Variants in SNX4 observed in about 807,000 individuals in gnomAD.
SNX4 encodes sorting nexin-4.
In SNX4, 49 loss-of-function variants were observed where a neutral mutation model predicts 70.8. The ratio of observed to expected loss-of-function variants is 0.69; its 90% CI spans 0.55 to 0.88. The LOEUF is 0.88. Among genes scored for constraint, SNX4 ranks in the 40% least tolerant of loss-of-function variants. SNX4 has a pLI of 0.00. For synonymous variants in SNX4, 206 were observed against 183.8 expected (o/e 1.12, Z -0.98); for missense variants, 528 against 544.8 (o/e 0.97, Z 0.31).
Position 125,447,777 on chromosome 3 carries a change from G to T in SNX4, c.*2C>A. ...GATTGAAGAGAAATTCAATTCACAG[G>T]ATTACATCTTGCTAAAGCATTCCTT... On this transcript the variant is annotated 3_prime_UTR_variant, in exon 14 of 14. Coordinates refer to ENST00000251775, the MANE Select transcript of SNX4 (RefSeq NM_003794.4). The T allele has an allele frequency of 2.5e-6, 4 of 1,588,502 alleles. No individual in the cohort carries two copies. The highest frequency in any genetic ancestry group is 2.6e-6 in the Non-Finnish European group (3 of 1,168,786).
intron 5 of SNX4, among the ~76,000 whole-genome samples, chr3:125,489,929 C>G (rs1476458182): frequency 6.6e-6 from 1 of 152,090 alleles, no homozygotes; most frequent in Non-Finnish European, 1.5e-5. Flanking sequence ...AGTTTGAGAC[C>G]AGCCTGGCCA....
chr3:125,497,743 T>C, intron 4 of SNX4, 91 bp downstream of exon 4: 1 of 865,146 alleles, frequency 1.2e-6, no homozygotes, highest in Non-Finnish European at 1.7e-6. Flanking sequence ...TATAAATTAA[T>C]GAAAAGATCC....
chr3:125,497,987 G>A lies in SNX4; in HGVS notation c.400-4C>T. ...GTTTATGCCAAACAAATTCTGCCTA[G>A]GTAAACAAAATAATCATTAAGAATA... is the stretch of plus-strand genomic sequence containing the variant. On this transcript the variant is annotated splice_polypyrimidine_tract_variant and splice_region_variant and intron_variant, in intron 3 of 13. Transcript: ENST00000251775. 1 of 1,613,996 alleles carries A rather than the reference G, an allele frequency of 6.2e-7. No individual in the cohort carries two copies. The highest frequency in any genetic ancestry group is 1.1e-5 in the South Asian group (1 of 91,032).
chr3:125,507,776 T>C (rs1185722489), intron 1 of SNX4, among the ~76,000 whole-genome samples: 1 of 152,074 alleles, frequency 6.6e-6, no homozygotes, highest in African/African-American at 2.4e-5. Flanking sequence ...TCTAGCAAAC[T>C]GTCCTTCAAA....
At chr3:125,478,282 C>T (rs956194451) in intron 7 of SNX4, among the ~76,000 whole-genome samples, 3 of 151,850 alleles carry the variant, frequency 2.0e-5, no homozygotes, top group African/African-American at 7.3e-5. Context: ...GCTGGTCAGG[C>T]TGGTCTCAAA....
intron 6 of SNX4, among the ~76,000 whole-genome samples, chr3:125,487,758 C>CA (rs575024712): frequency 0.064 from 7,549 of 117,206 alleles, 398 homozygotes; most frequent in African/African-American, 0.16. Flanking sequence ...TGTGACATTC[C>CA]AAAAAAAAAA....
chr3:125,480,333 CAAAT>C lies in SNX4; in HGVS notation c.654-18_654-15del, dbSNP rs755472803. On this transcript the variant is annotated splice_polypyrimidine_tract_variant and intron_variant, in intron 6 of 13. Transcript: ENST00000251775. ...TCAGTAAATCTCCTGAAACAGGAAA[CAAAT>C]AAAACATCGTTTTTCAAATGAAAAC... is the stretch of plus-strand genomic sequence containing the variant. The C allele has an allele frequency of 1.4e-6, 2 of 1,465,288 alleles. No homozygotes were observed. The highest frequency in any genetic ancestry group is 1.8e-6 in the Non-Finnish European group (2 of 1,093,420). The allele number at this position is 1,465,288 out of a possible 1,614,324, so 90.8% of individuals were successfully genotyped here.
chr3:125,475,804 C>G (rs570684524), intron 8 of SNX4, among the ~76,000 whole-genome samples: 51 of 152,006 alleles, frequency 3.4e-4, no homozygotes, highest in Non-Finnish European at 6.8e-4. Flanking sequence ...TAGTAAAGTC[C>G]CATCTCTGCA....
chr3:125,453,739 A>C lies in SNX4; in HGVS notation c.1190+71T>G. On this transcript the variant is annotated intron_variant, in intron 12 of 13. Coordinates refer to ENST00000251775, the MANE Select transcript of SNX4 (RefSeq NM_003794.4). ...GCTGGGAATTGTTACCAAAATAAAT[A>C]AATAAATAAATAAAATAATCTACCA... 3 of 1,372,356 alleles carry C rather than the reference A, an allele frequency of 2.2e-6. No individual in the cohort carries two copies. In the South Asian group the frequency reaches 4.7e-5, roughly 22 times the overall value. 85.0% of individuals were successfully genotyped at this position (1,372,356 alleles called of 1,614,324 possible). A position where few individuals can be genotyped will look rare whatever the true frequency, so the allele number is the denominator to read the frequency against.
intron 9 of SNX4, among the ~76,000 whole-genome samples, chr3:125,467,615 G>A (rs1934067411): frequency 6.6e-6 from 1 of 152,008 alleles, no homozygotes; most frequent in South Asian, 2.1e-4. Context: ...TTCTTGCTAT[G>A]TTTCCCAGGC....
At chr3:125,458,517 T>C (rs564919407) in intron 10 of SNX4, among the ~76,000 whole-genome samples, 1 of 152,242 alleles carries the variant, frequency 6.6e-6, no homozygotes, top group South Asian at 2.1e-4. Context: ...CCATGTTCAC[T>C]GTAAAAAGAA....
intron 9 of SNX4, among the ~76,000 whole-genome samples, chr3:125,462,882 C>G (rs1933919542): frequency 6.6e-6 from 1 of 152,112 alleles, no homozygotes. Context: ...AGGTGGAAAC[C>G]TTTTATTGAA....
At chr3:125,452,593 AAAT>A (rs1933602995) in intron 12 of SNX4, among the ~76,000 whole-genome samples, 1 of 151,948 alleles carries the variant, frequency 6.6e-6, no homozygotes, top group Non-Finnish European at 1.5e-5. Flanking sequence ...AAAAAATGAA[AAAT>A]AATAATAAAA....
chr3:125,497,539 A>C, intron 4 of SNX4, 151 bp from the exon 5 acceptor site: 3 of 630,534 alleles, frequency 4.8e-6, no homozygotes, highest in Non-Finnish European at 8.2e-6. Flanking sequence ...TTAAACATTC[A>C]ATCCAACTTC....
At chr3:125,485,934 G>A (rs188221281) in intron 6 of SNX4, among the ~76,000 whole-genome samples, 51 of 152,026 alleles carry the variant, frequency 3.4e-4, no homozygotes, top group African/African-American at 1.1e-3. Context: ...TCCGCCTCCC[G>A]GGTTCAAGCA....
intron 9 of SNX4, among the ~76,000 whole-genome samples, chr3:125,461,882 C>T (rs1340483081): frequency 2.0e-5 from 3 of 151,990 alleles, no homozygotes; most frequent in Non-Finnish European, 4.4e-5. Context: ...AGGATGGTCT[C>T]GATCTCCTGA....
rs866866041 is a variant in SNX4, at chr3:125,500,896, A to T, written c.264-2702T>A. Among the ~76,000 whole-genome samples the T allele has an allele frequency of 2.7e-3, 408 of 151,944 alleles. 5 individuals are homozygous for T. The highest frequency in any genetic ancestry group is 8.0e-3 in the African/African-American group (332 of 41,466). On this transcript the variant is annotated intron_variant, in intron 2 of 13. Transcript: ENST00000251775. ...TTTTTTAGGTGGCTAATTTACAAAAAAAAAAAAAATTACAGAAACAAAACC... is the reference window on the plus strand; with the variant it reads ...TTTTTTAGGTGGCTAATTTACAAAATAAAAAAAAATTACAGAAACAAAACC...
At chr3:125,452,340 C>T (rs1442265784) in intron 12 of SNX4, among the ~76,000 whole-genome samples, 1 of 152,208 alleles carries the variant, frequency 6.6e-6, no homozygotes, top group Non-Finnish European at 1.5e-5. Flanking sequence ...AGGCAATCCA[C>T]TCTCCTAGGC....
chr3:125,517,137 G>T (rs1935300421), intron 1 of SNX4: 1 of 151,876 alleles, frequency 6.6e-6, no homozygotes, highest in Non-Finnish European at 1.5e-5. Context: ...ATTCAGTATT[G>T]AAACAATGTA....
Sources: gnomAD v4.1 joint callset for allele counts (sites outside exome capture counted in the v4.1 genomes callset) on GRCh38, gnomAD v4.1.1 for gene constraint, MANE v1.5 for transcripts, NCBI Gene and HGNC (gene_info 2026-07-23, HGNC 2026-07-21) for gene names.